Variants in RANBP17 observed in about 807,000 individuals in gnomAD.
RANBP17 encodes RAN binding protein 17.
RANBP17 carries 158 observed loss-of-function variants against 141.2 expected under a neutral mutation model. The observed-to-expected ratio is 1.12, with a 90% confidence interval of 0.98 to 1.28. The LOEUF (loss-of-function observed/expected upper bound fraction) is 1.28, where lower values mean the gene tolerates loss of function less well. Ranked by LOEUF, RANBP17 falls within the 50% of genes most tolerant of loss-of-function variation. The pLI is 0.00. For missense variants in RANBP17, 1,438 were observed against 1,290.7 expected (o/e 1.11, Z -1.75); for synonymous variants, 430 against 450.0 (o/e 0.96, Z 0.56).
At chr5:170,967,459 G>A (rs1206667082) in intron 13 of RANBP17, among the ~76,000 whole-genome samples, 4 of 151,810 alleles carry the variant, frequency 2.6e-5, no homozygotes, top group African/African-American at 9.7e-5. Context: ...TTAGCACAAG[G>A]TACTTGGCGG....
At chr5:171,128,646 A>G (rs575906085) in intron 14 of RANBP17, among the ~76,000 whole-genome samples, 1 of 152,318 alleles carries the variant, frequency 6.6e-6, no homozygotes, top group South Asian at 2.1e-4. Flanking sequence ...CAAGATAGCT[A>G]CAGGAGAGGA....
chr5:171,137,600 G>GTGTGTGTC (rs1554103814), intron 14 of RANBP17, among the ~76,000 whole-genome samples: 1 of 143,432 alleles, frequency 7.0e-6, no homozygotes, highest in Non-Finnish European at 1.5e-5. Context: ...GTGTGTGTGT[G>GTGTGTGTC]TGTGTCTGTG....
intron 20 of RANBP17, among the ~76,000 whole-genome samples, chr5:171,208,506 A>G (rs1204940415): frequency 2.0e-5 from 3 of 152,216 alleles, no homozygotes; most frequent in Non-Finnish European, 4.4e-5. Flanking sequence ...AGTATCAAAA[A>G]TCCAGAGGGA....
chr5:171,260,300 C>A (rs377538031), intron 24 of RANBP17, among the ~76,000 whole-genome samples: 235 of 108,494 alleles, frequency 2.2e-3, no homozygotes, highest in South Asian at 2.7e-3. Flanking sequence ...GACTCCATCT[C>A]AAAAAAAAAA....
intron 22 of RANBP17, among the ~76,000 whole-genome samples, chr5:171,233,381 C>A (rs1223199365): frequency 6.6e-6 from 1 of 152,176 alleles, no homozygotes; most frequent in African/African-American, 2.4e-5. Context: ...ATTGTACGAT[C>A]CAGTAATCAT....
intron 13 of RANBP17, among the ~76,000 whole-genome samples, chr5:170,963,952 G>T (rs1776333314): frequency 6.6e-6 from 1 of 152,072 alleles, no homozygotes; most frequent in African/African-American, 2.4e-5. Context: ...ATCAGGAAAG[G>T]ATATGAGCAA....
At chr5:171,250,072 G>T (rs564255644) in intron 24 of RANBP17, among the ~76,000 whole-genome samples, 1 of 152,310 alleles carries the variant, frequency 6.6e-6, no homozygotes, top group South Asian at 2.1e-4. Context: ...TTTCTCAGGA[G>T]AAGCTTTACA....
chr5:170,960,933 A>T (rs185091705), intron 13 of RANBP17, among the ~76,000 whole-genome samples: 8 of 152,234 alleles, frequency 5.3e-5, no homozygotes, highest in Admixed American at 5.2e-4. Context: ...TTTAGTAGAG[A>T]CAGGGTTTCA....
At chr5:171,191,544 A>C (rs1031373176) in intron 18 of RANBP17, among the ~76,000 whole-genome samples, 2 of 152,102 alleles carry the variant, frequency 1.3e-5, no homozygotes, top group Non-Finnish European at 2.9e-5. Context: ...AAAATTAGCC[A>C]GGCGTCATGG....
chr5:170,967,963 T>C (rs1364037691), intron 13 of RANBP17, among the ~76,000 whole-genome samples: 1 of 151,838 alleles, frequency 6.6e-6, no homozygotes, highest in Non-Finnish European at 1.5e-5. Flanking sequence ...ATTTTATCAG[T>C]TTTTAGTAAA....
At chr5:171,180,827 G>T (rs564645003) in intron 16 of RANBP17, among the ~76,000 whole-genome samples, 110 of 152,266 alleles carry the variant, frequency 7.2e-4, no homozygotes, top group Non-Finnish European at 1.2e-3. Context: ...CAGAAAATGT[G>T]TCTTTGACAG....
At chr5:171,178,198 C>T (rs1581798330) in intron 16 of RANBP17, among the ~76,000 whole-genome samples, 3 of 139,140 alleles carry the variant, frequency 2.2e-5, no homozygotes, top group South Asian at 2.4e-4. Context: ...AGGCCCCTGA[C>T]GTGTGATGTT....
At chr5:171,000,399 T>C (rs555616741) in intron 14 of RANBP17, among the ~76,000 whole-genome samples, 18 of 152,328 alleles carry the variant, frequency 1.2e-4, no homozygotes, top group African/African-American at 4.3e-4. Flanking sequence ...TATTTTCTAC[T>C]TTGTTTTACT....
At chr5:171,277,665 A>ATATATATATATATATATT (rs1561823588) in intron 25 of RANBP17, among the ~76,000 whole-genome samples, 11 of 135,148 alleles carry the variant, frequency 8.1e-5, no homozygotes, top group African/African-American at 3.0e-4. Flanking sequence ...ATATATATAT[A>ATATATATATATATATATT]TATTTATGTC....
chr5:171,225,711 T>C (rs1033294076), intron 22 of RANBP17, among the ~76,000 whole-genome samples: 2 of 152,212 alleles, frequency 1.3e-5, no homozygotes, highest in African/African-American at 4.8e-5. Context: ...AGTTTTTGGT[T>C]ATGATCAGGG....
At chr5:170,903,317 G>C (rs1056419133) in intron 5 of RANBP17, among the ~76,000 whole-genome samples, 40 of 152,064 alleles carry the variant, frequency 2.6e-4, no homozygotes, top group African/African-American at 9.7e-4. Context: ...CTTCAGTAAT[G>C]GTGGACGCCC....
At chr5:171,109,144 AT>A (rs1755047437) in intron 14 of RANBP17, among the ~76,000 whole-genome samples, 1 of 152,206 alleles carries the variant, frequency 6.6e-6, no homozygotes, top group Admixed American at 6.5e-5. Context: ...AAAAATACAA[AT>A]TTTTAAAATA....
At position 171,108,879 on chromosome 5, in the gene RANBP17, C is replaced by T. The variant is rs141945702; in HGVS notation, c.1711-61251C>T. On this transcript the variant is annotated intron_variant, in intron 14 of 27. Coordinates refer to ENST00000523189, the MANE Select transcript of RANBP17 (RefSeq NM_022897.5). ...CCAGTCCAAATGAAGGGAAGTTTGC[C>T]TTTTTTGTTGTTGTTGTTCTGGCAA... Among the ~76,000 whole-genome samples the T allele has an allele frequency of 6.4e-4, 97 of 152,214 alleles. 1 individual carries two copies. In the East Asian group the frequency reaches 0.017, roughly 27 times the overall value.
intron 13 of RANBP17, among the ~76,000 whole-genome samples, chr5:170,960,876 A>G (rs1301310948): frequency 3.3e-5 from 5 of 152,150 alleles, no homozygotes; most frequent in African/African-American, 1.2e-4. Flanking sequence ...ACAGCTGAGT[A>G]GCTGGGATAC....
Sources: allele counts gnomAD v4.1 joint callset (sites outside exome capture counted in the v4.1 genomes callset), GRCh38; gene constraint gnomAD v4.1.1; transcripts MANE v1.5; gene names NCBI Gene and HGNC (gene_info 2026-07-23, HGNC 2026-07-21).